FMN1: variants seen among roughly 807,000 people sequenced by gnomAD.
FMN1 encodes formin-1.
In FMN1, 110 loss-of-function variants were observed where a neutral mutation model predicts 132.4. The observed-to-expected ratio is 0.83, with a 90% CI of 0.71 to 0.97. The LOEUF is 0.97. Ranked by LOEUF, FMN1 falls within the 50% of genes least tolerant of loss-of-function variation. The pLI is 0.00. For missense variants in FMN1, 1,792 were observed against 1,705.3 expected (o/e 1.05, Z -0.90); for synonymous variants, 722 against 651.7 (o/e 1.11, Z -1.64).
intron 4 of FMN1, among the ~76,000 whole-genome samples, chr15:33,097,280 G>A (rs1175047466): frequency 6.7e-6 from 1 of 150,262 alleles, no homozygotes. Flanking sequence ...CTACAGCCTG[G>A]ATGACAGAGT....
intron 4 of FMN1, among the ~76,000 whole-genome samples, chr15:33,095,767 T>C (rs911286111): frequency 1.3e-5 from 2 of 152,210 alleles, no homozygotes; most frequent in African/African-American, 4.8e-5. Context: ...TATGTCACAT[T>C]ATTCCAATTA....
At chr15:32,860,812 G>GATGATCT (rs2059251612) in intron 16 of FMN1, 1 of 152,158 alleles carries the variant, frequency 6.6e-6, no homozygotes, top group Non-Finnish European at 1.5e-5. Flanking sequence ...GGTGTCCCAA[G>GATGATCT]ATGATCTAAG....
rs73372974 is a variant in FMN1, at chr15:32,976,390, G to C, written c.2224-6913C>G. 2.7e-3 allele frequency among the ~76,000 whole-genome samples: 405 copies of C among 152,230 alleles called. 6 individuals carry two copies. Among genetic ancestry groups the C allele is most frequent in the African/African-American group, 9.3e-3 (388 of 41,540 alleles). On this transcript the variant is annotated intron_variant, in intron 7 of 20. Coordinates refer to ENST00000616417, the MANE Select transcript of FMN1 (RefSeq NM_001277313.2). Reference sequence around the variant, plus strand: ...AAGGCAAGGAGATGGCGATTCTATGGCTTTGGACATGCATACGAGTTTCTT... The same window carrying C: ...AAGGCAAGGAGATGGCGATTCTATGCCTTTGGACATGCATACGAGTTTCTT...
chr15:33,011,395 TTATAC>T (rs2034711571), intron 6 of FMN1, among the ~76,000 whole-genome samples: 1 of 152,100 alleles, frequency 6.6e-6, no homozygotes, highest in Non-Finnish European at 1.5e-5. Context: ...GATCCTAACC[TTATAC>T]TATAATCTAT....
intron 9 of FMN1, among the ~76,000 whole-genome samples, chr15:32,963,349 C>G (rs1375645773): frequency 0.018 from 341 of 18,644 alleles, 1 homozygote; most frequent in Admixed American, 0.033. Flanking sequence ...GTTGTGGGGT[C>G]GGGGGGGTGG....
intron 17 of FMN1, among the ~76,000 whole-genome samples, chr15:32,846,485 G>A (rs550547826): frequency 6.6e-6 from 1 of 152,314 alleles, no homozygotes; most frequent in Middle Eastern, 3.4e-3. Flanking sequence ...CTGATCATTA[G>A]AGAAATGCAA....
chr15:33,001,809 A>G (rs59498237), intron 7 of FMN1, among the ~76,000 whole-genome samples: 2,365 of 149,996 alleles, frequency 0.016, 65 homozygotes, highest in African/African-American at 0.054. Context: ...ACACCTTTTG[A>G]TAAGCTAGTA....
chr15:32,998,286 T>C (rs2033897235), intron 7 of FMN1, among the ~76,000 whole-genome samples: 1 of 152,230 alleles, frequency 6.6e-6, no homozygotes, highest in Non-Finnish European at 1.5e-5. Context: ...TTTCCAGCAA[T>C]GTCCAGTCAG....
intron 10 of FMN1, among the ~76,000 whole-genome samples, chr15:32,923,953 A>G (rs1052049086): frequency 3.4e-5 from 4 of 118,946 alleles, no homozygotes; most frequent in African/African-American, 1.5e-4. Flanking sequence ...CATGGAGACC[A>G]CTGTCAAGAC....
intron 5 of FMN1, 41 bp from the exon 6 acceptor site, chr15:33,065,115 G>C (rs757104025): frequency 2.2e-6 from 3 of 1,355,196 alleles, no homozygotes; most frequent in East Asian, 2.4e-5. Flanking sequence ...AATGTAGTCA[G>C]AGCCGATTAA....
At chr15:32,838,519 C>T (rs1340869961) in intron 17 of FMN1, among the ~76,000 whole-genome samples, 7 of 152,290 alleles carry the variant, frequency 4.6e-5, no homozygotes, top group South Asian at 4.1e-4. Context: ...CGTGGGGTTA[C>T]GAGTGACCTG....
intron 4 of FMN1, among the ~76,000 whole-genome samples, chr15:33,123,957 T>C (rs1962808600): frequency 6.6e-6 from 1 of 152,226 alleles, no homozygotes; most frequent in African/African-American, 2.4e-5. Context: ...TCATTACAAC[T>C]TCACAATTAG....
intron 7 of FMN1, among the ~76,000 whole-genome samples, chr15:32,992,757 G>A (rs563077842): frequency 6.6e-6 from 1 of 152,126 alleles, no homozygotes; most frequent in East Asian, 1.9e-4. Context: ...GTCTATGAGG[G>A]AATAAGAAGA....
intron 5 of FMN1, among the ~76,000 whole-genome samples, chr15:33,071,459 A>T (rs890818330): frequency 6.6e-6 from 1 of 152,176 alleles, no homozygotes; most frequent in African/African-American, 2.4e-5. Context: ...ACCAACAATG[A>T]ATGAGGCTGT....
chr15:32,946,120 A>G (rs2061505209), intron 9 of FMN1, among the ~76,000 whole-genome samples: 2 of 152,198 alleles, frequency 1.3e-5, no homozygotes, highest in South Asian at 2.1e-4. Context: ...ATTTTAGTAG[A>G]TATTTTAGAA....
chr15:32,944,697 T>C lies in FMN1; in HGVS notation c.3139-18436A>G, dbSNP rs552170257. 5.3e-5 allele frequency among the ~76,000 whole-genome samples: 8 copies of C among 152,156 alleles called. No homozygotes were observed. In the East Asian group the frequency reaches 1.4e-3, roughly 26 times the overall value. On this transcript the variant is annotated intron_variant, in intron 9 of 20. Coordinates refer to ENST00000616417, the MANE Select transcript of FMN1 (RefSeq NM_001277313.2). ...CTGACGAGACAGAAAAACCCTTTTC[T>C]TGTTTTTCAGGCTGATGAATTCCAC...
chr15:32,910,376 G>A (rs2060528681), intron 11 of FMN1, 98 bp downstream of exon 11: 12 of 998,466 alleles, frequency 1.2e-5, no homozygotes, highest in Admixed American at 1.0e-4. Flanking sequence ...TCCAGGCCAC[G>A]TCAAAACCCT....
At chr15:33,143,511 T>G (rs2140257031) in intron 4 of FMN1, among the ~76,000 whole-genome samples, 1 of 152,340 alleles carries the variant, frequency 6.6e-6, no homozygotes, top group Non-Finnish European at 1.5e-5. Context: ...AGGAGAGATT[T>G]TTTTAAAAAC....
chr15:33,078,261 G>C (rs1354081230), intron 5 of FMN1, among the ~76,000 whole-genome samples: 3 of 152,168 alleles, frequency 2.0e-5, no homozygotes. Flanking sequence ...GTGCTTGCTT[G>C]ATTCCCCACA....
Sources: gnomAD v4.1 joint callset for allele counts (sites outside exome capture counted in the v4.1 genomes callset) on GRCh38, gnomAD v4.1.1 for gene constraint, MANE v1.5 for transcripts, NCBI Gene and HGNC (gene_info 2026-07-23, HGNC 2026-07-21) for gene names.